The following CTNNA3 variants were observed in gnomAD, a reference collection of about 807,000 sequenced individuals.
CTNNA3 encodes catenin alpha 3.
A neutral mutation model predicts 95.7 loss-of-function variants in CTNNA3; 76 were observed. The ratio of observed to expected loss-of-function variants is 0.79; its 90% CI spans 0.66 to 0.96. The LOEUF is 0.96. Among genes scored for constraint, CTNNA3 ranks in the 40% least tolerant of loss-of-function variants. CTNNA3 has a pLI of 0.00. For missense variants in CTNNA3, 1,191 were observed against 1,089.8 expected, an observed-to-expected ratio of 1.09 and a Z score of -1.31; for synonymous variants, 431 against 374.4, an observed-to-expected ratio of 1.15 and a Z score of -1.74.
intron 9 of CTNNA3, among the ~76,000 whole-genome samples, chr10:66,640,642 A>G (rs574459248): frequency 6.6e-6 from 1 of 152,206 alleles, no homozygotes; most frequent in Non-Finnish European, 1.5e-5. Context: ...AAATCATAAT[A>G]CCCAGCAAAC....
chr10:67,624,420 A>G (rs1843957299), intron 2 of CTNNA3, among the ~76,000 whole-genome samples: 1 of 152,100 alleles, frequency 6.6e-6, no homozygotes, highest in African/African-American at 2.4e-5. Flanking sequence ...ATCATTTACT[A>G]CACCCCAAGT....
In CTNNA3 at chr10:67,579,701, C is replaced by T. The variant is rs138585215; in HGVS notation, c.292+27156G>A. ...TAAAAGTGTTCCTATTTCTCCACAT[C>T]CTCTCCAGCACCTGTTGTTTCCTGA... is the stretch of plus-strand genomic sequence containing the variant. On this transcript the variant is annotated intron_variant, in intron 3 of 17. Transcript: ENST00000433211. Among the ~76,000 whole-genome samples, 4,452 of 152,226 alleles carry T rather than the reference C, an allele frequency of 0.029. 465 individuals are homozygous for T. The East Asian group carries it at 0.37, about 13-fold the overall frequency.
chr10:66,885,725 A>C (rs372719948), intron 7 of CTNNA3, among the ~76,000 whole-genome samples: 1 of 152,190 alleles, frequency 6.6e-6, no homozygotes, highest in East Asian at 1.9e-4. Flanking sequence ...CTTAAAAATC[A>C]TAAGAAAGAT....
chr10:66,192,092 A>C (rs751039198), intron 13 of CTNNA3, among the ~76,000 whole-genome samples: 1 of 152,246 alleles, frequency 6.6e-6, no homozygotes, highest in East Asian at 1.9e-4. Context: ...AATAAATTTT[A>C]TTTCTTTATA....
At chr10:67,217,710 T>A (rs114543350) in intron 6 of CTNNA3, among the ~76,000 whole-genome samples, 4,993 of 152,134 alleles carry the variant, frequency 0.033, 97 homozygotes, top group South Asian at 0.091. Flanking sequence ...GTCTTCTTCT[T>A]TAATCCTAAA....
At position 67,143,291 on chromosome 10, in the gene CTNNA3, G is replaced by A. The variant is rs146937572; in HGVS notation, c.1047+37026C>T. On this transcript the variant is annotated intron_variant, in intron 7 of 17. Coordinates refer to ENST00000433211, the MANE Select transcript of CTNNA3 (RefSeq NM_013266.4). Reference sequence around the variant, plus strand: ...CACCATCTAAGCCAAGCGTGGTGGCGGGCGACTGTAATCCCAGCTACTCGA... The same window carrying A: ...CACCATCTAAGCCAAGCGTGGTGGCAGGCGACTGTAATCCCAGCTACTCGA... Among the ~76,000 whole-genome samples, 995 of 151,752 alleles carry A rather than the reference G, an allele frequency of 6.6e-3. 17 individuals are homozygous for A. Among genetic ancestry groups the A allele is most frequent in the African/African-American group, 0.023 (953 of 41,370 alleles).
chr10:66,865,211 T>TGC (rs566766346), intron 7 of CTNNA3, among the ~76,000 whole-genome samples: 2 of 88,852 alleles, frequency 2.3e-5, no homozygotes, highest in South Asian at 6.7e-4. Flanking sequence ...TGTGTGTGTG[T>TGC]GCGTGTGTGT....
At chr10:66,582,356 C>G (rs2132201394) in intron 10 of CTNNA3, among the ~76,000 whole-genome samples, 1 of 151,792 alleles carries the variant, frequency 6.6e-6, no homozygotes, top group African/African-American at 2.4e-5. Context: ...GATACTACAC[C>G]TCCTTGGTTA....
At position 66,327,193 on chromosome 10, in the gene CTNNA3, C is replaced by T. The variant is rs1413073236; in HGVS notation, c.1733-46572G>A. On this transcript the variant is annotated intron_variant, in intron 12 of 17. Coordinates refer to ENST00000433211, the MANE Select transcript of CTNNA3 (RefSeq NM_013266.4). Reference sequence around the variant, plus strand: ...AAAGCGACAACACTAAATTTGATTGCAAAGTAACAGTAAGAAATTAAAAGT... The same window carrying T: ...AAAGCGACAACACTAAATTTGATTGTAAAGTAACAGTAAGAAATTAAAAGT... Among the ~76,000 whole-genome samples, 4 of 151,950 alleles carry T rather than the reference C, an allele frequency of 2.6e-5. 1 individual carries two copies. The highest frequency in any genetic ancestry group is 7.2e-5 in the African/African-American group (3 of 41,382).
intron 9 of CTNNA3, among the ~76,000 whole-genome samples, chr10:66,762,178 A>G (rs147500578): frequency 0.012 from 1,772 of 152,268 alleles, 32 homozygotes; most frequent in African/African-American, 0.039. Flanking sequence ...TTTTATTGGC[A>G]GAAGCCAGTA....
chr10:66,093,512 A>C (rs1240809510), intron 14 of CTNNA3, among the ~76,000 whole-genome samples: 2 of 152,116 alleles, frequency 1.3e-5, no homozygotes, highest in Non-Finnish European at 2.9e-5. Flanking sequence ...TCTGACATGG[A>C]AAAATCAGAA....
chr10:67,279,627 T>C (rs759553685), intron 5 of CTNNA3, among the ~76,000 whole-genome samples: 5 of 140,498 alleles, frequency 3.6e-5, no homozygotes, highest in Admixed American at 7.0e-5. Context: ...GGGAGATATT[T>C]AACCTTTTAT....
chr10:66,600,867 T>C (rs757019267), intron 10 of CTNNA3, among the ~76,000 whole-genome samples: 4 of 151,908 alleles, frequency 2.6e-5, no homozygotes, highest in Non-Finnish European at 4.4e-5. Flanking sequence ...TCACGTCTTT[T>C]ACAGCAAGGG....
intron 11 of CTNNA3, among the ~76,000 whole-genome samples, chr10:66,470,826 C>A (rs1839100937): frequency 6.6e-6 from 1 of 151,726 alleles, no homozygotes; most frequent in African/African-American, 2.4e-5. Flanking sequence ...GTCATTAATT[C>A]TCTTGAAAAG....
In CTNNA3 at chr10:65,922,410, A is replaced by G. The variant is rs77041721; in HGVS notation, c.2401-1793T>C. Reference sequence around the variant, plus strand: ...AAGTTGTGTTTCTTTGGAAGAGCAAATAGAAGTACTCAGTCACCCTTATAG... The same window carrying G: ...AAGTTGTGTTTCTTTGGAAGAGCAAGTAGAAGTACTCAGTCACCCTTATAG... On this transcript the variant is annotated intron_variant, in intron 17 of 17. Transcript: ENST00000433211. Among the ~76,000 whole-genome samples the G allele has an allele frequency of 2.1e-3, 318 of 152,234 alleles. 3 individuals are homozygous for G. The highest frequency in any genetic ancestry group is 7.2e-3 in the African/African-American group (301 of 41,536).
intron 12 of CTNNA3, among the ~76,000 whole-genome samples, chr10:66,338,491 T>C (rs765828908): frequency 1.3e-5 from 2 of 152,010 alleles, no homozygotes; most frequent in Non-Finnish European, 2.9e-5. Context: ...AGATCTCTTT[T>C]TAACAGTTAC....
At chr10:66,331,863 A>T (rs995843485) in intron 12 of CTNNA3, among the ~76,000 whole-genome samples, 15 of 151,788 alleles carry the variant, frequency 9.9e-5, no homozygotes, top group South Asian at 2.1e-4. Flanking sequence ...CTTGATGGGG[A>T]TGGCATTGAA....
chr10:66,916,066 A>G (rs1846479229), intron 7 of CTNNA3, among the ~76,000 whole-genome samples: 1 of 152,060 alleles, frequency 6.6e-6, no homozygotes. Context: ...TATATTTTTA[A>G]ATGTTGGGAC....
In CTNNA3 at chr10:67,422,262, T is replaced by C. The variant is rs372307758; in HGVS notation, c.579+99580A>G. Among the ~76,000 whole-genome samples, 23 of 152,250 alleles carry C rather than the reference T, an allele frequency of 1.5e-4. No individual in the cohort carries two copies. In the South Asian group the frequency reaches 4.8e-3, roughly 32 times the overall value. ...AAATTTCCTGATTTTGATAACTGTA[T>C]TGAGATTATTCAACACAGTGTCCTT... is the stretch of plus-strand genomic sequence containing the variant. On this transcript the variant is annotated intron_variant, in intron 5 of 17. Transcript: ENST00000433211.
Sources: allele counts gnomAD v4.1 joint callset (sites outside exome capture counted in the v4.1 genomes callset), GRCh38; gene constraint gnomAD v4.1.1; transcripts MANE v1.5; gene names NCBI Gene and HGNC (gene_info 2026-07-23, HGNC 2026-07-21).